The following PTPRD variants were observed in gnomAD, a reference collection of about 807,000 sequenced individuals.
PTPRD encodes the protein protein tyrosine phosphatase receptor type D, also known as receptor-type tyrosine-protein phosphatase delta.
In PTPRD, 34 loss-of-function variants were observed where a neutral mutation model predicts 214.5. The observed-to-expected ratio is 0.16, with a 90% CI of 0.12 to 0.21. The LOEUF (loss-of-function observed/expected upper bound fraction) is 0.21. PTPRD is among the 10% of genes least tolerant of loss of function. The pLI is 1.00. For synonymous variants in PTPRD, 1,128 were observed against 845.7 expected, an observed-to-expected ratio of 1.33 and a Z score of -5.79; for missense variants, 2,545 against 2,398.7, an observed-to-expected ratio of 1.06 and a Z score of -1.27.
At chr9:8,434,730 G>T (rs908610020) in intron 35 of PTPRD, among the ~76,000 whole-genome samples, 1 of 152,160 alleles carries the variant, frequency 6.6e-6, no homozygotes, top group East Asian at 1.9e-4. Flanking sequence ...AGTGATGAAA[G>T]ATTTCTGGTT....
At chr9:9,469,607 G>A (rs891951122) in intron 8 of PTPRD, among the ~76,000 whole-genome samples, 2 of 152,126 alleles carry the variant, frequency 1.3e-5, no homozygotes, top group Middle Eastern at 3.2e-3. Flanking sequence ...ATTGAGTGCT[G>A]GCAACTAATT....
intron 39 of PTPRD, among the ~76,000 whole-genome samples, chr9:8,350,649 G>C (rs1475633076): frequency 6.6e-6 from 1 of 151,970 alleles, no homozygotes; most frequent in African/African-American, 2.4e-5. Context: ...GATATTTGGG[G>C]TTCACTACAA....
chr9:8,373,846 A>G (rs10815841), intron 39 of PTPRD, among the ~76,000 whole-genome samples: 16,405 of 109,746 alleles, frequency 0.15, 1,411 homozygotes, highest in East Asian at 0.33. Flanking sequence ...GTATGTATGT[A>G]TGTGTATGTG....
intron 14 of PTPRD, among the ~76,000 whole-genome samples, chr9:8,533,019 T>G (rs1470526040): frequency 6.6e-6 from 1 of 152,074 alleles, no homozygotes; most frequent in Non-Finnish European, 1.5e-5. Flanking sequence ...GAAAATAGTC[T>G]GACACTGTTT....
At chr9:9,738,544 A>T (rs2098342317) in intron 6 of PTPRD, among the ~76,000 whole-genome samples, 1 of 142,996 alleles carries the variant, frequency 7.0e-6, no homozygotes, top group Non-Finnish European at 1.5e-5. Flanking sequence ...CCTGGGTTCA[A>T]GTGATTCTCC....
chr9:10,026,594 G>T (rs900447286), intron 4 of PTPRD, among the ~76,000 whole-genome samples: 4 of 152,130 alleles, frequency 2.6e-5, no homozygotes, highest in African/African-American at 9.7e-5. Context: ...AGCAGTCACA[G>T]TACAGTTACA....
rs149461268 is a variant in PTPRD, at chr9:8,815,693, T to C, written c.-103-81747A>G. 2.3e-3 allele frequency among the ~76,000 whole-genome samples: 345 copies of C among 152,266 alleles called. 2 individuals are homozygous for C. The highest frequency in any genetic ancestry group is 3.0e-3 in the Non-Finnish European group (207 of 68,016). On this transcript the variant is annotated intron_variant, in intron 11 of 45. Transcript: ENST00000381196. The stretch of plus-strand genomic sequence containing the variant: ...CTCATCTCCTGCATAAAATTATTCC[T>C]AGGCAACTTTTAAGTCACTGTATAA...
At chr9:10,375,978 A>T (rs1257058787) in intron 2 of PTPRD, among the ~76,000 whole-genome samples, 1 of 151,934 alleles carries the variant, frequency 6.6e-6, no homozygotes, top group African/African-American at 2.4e-5. Flanking sequence ...TCATTAACAT[A>T]GTATCTTTGC....
At chr9:8,691,508 C>A (rs1026532267) in intron 12 of PTPRD, among the ~76,000 whole-genome samples, 1 of 151,850 alleles carries the variant, frequency 6.6e-6, no homozygotes, top group South Asian at 2.1e-4. Context: ...ATGAACAAAC[C>A]TCTCCTGGTT....
chr9:8,955,398 C>T (rs1373127643), intron 11 of PTPRD, among the ~76,000 whole-genome samples: 1 of 151,684 alleles, frequency 6.6e-6, no homozygotes, highest in Non-Finnish European at 1.5e-5. Flanking sequence ...AGACTATAAG[C>T]TCGTAGACTC....
At chr9:9,365,335 A>G (rs2057575312) in intron 9 of PTPRD, among the ~76,000 whole-genome samples, 1 of 151,574 alleles carries the variant, frequency 6.6e-6, no homozygotes, top group Non-Finnish European at 1.5e-5. Context: ...AATCTTTCAC[A>G]TATAGTTGGT....
intron 4 of PTPRD, among the ~76,000 whole-genome samples, chr9:9,986,030 A>T (rs2095698775): frequency 1.3e-5 from 2 of 152,160 alleles, no homozygotes; most frequent in Non-Finnish European, 2.9e-5. Context: ...GCACCCAGGA[A>T]TTTTGTAATT....
At chr9:9,773,384 G>T (rs528635413) in intron 5 of PTPRD, among the ~76,000 whole-genome samples, 7 of 152,234 alleles carry the variant, frequency 4.6e-5, no homozygotes, top group South Asian at 2.1e-4. Flanking sequence ...TGTGGTAACT[G>T]CTTCACTCTT....
chr9:8,714,476 G>A (rs1450969688), intron 12 of PTPRD, among the ~76,000 whole-genome samples: 3 of 152,034 alleles, frequency 2.0e-5, no homozygotes, highest in Non-Finnish European at 2.9e-5. Context: ...GTTGCTTCCA[G>A]GAAGCCTGAC....
At chr9:9,432,812 C>T (rs141439186) in intron 8 of PTPRD, among the ~76,000 whole-genome samples, 2,134 of 152,224 alleles carry the variant, frequency 0.014, 30 homozygotes, top group Non-Finnish European at 0.022. Context: ...AATTTGATTT[C>T]TTATATTTCC....
intron 11 of PTPRD, among the ~76,000 whole-genome samples, chr9:8,770,011 T>C (rs1447928458): frequency 6.6e-6 from 1 of 152,194 alleles, no homozygotes; most frequent in Non-Finnish European, 1.5e-5. Context: ...TCAGGCACGG[T>C]GGCTCATGCC....
intron 2 of PTPRD, among the ~76,000 whole-genome samples, chr9:10,453,965 C>T (rs1226866284): frequency 6.6e-6 from 1 of 151,510 alleles, no homozygotes; most frequent in African/African-American, 2.4e-5. Context: ...GTTGAGGTTA[C>T]CCCAAACAAT....
chr9:9,590,884 T>C (rs1046403072), intron 7 of PTPRD, among the ~76,000 whole-genome samples: 5 of 152,188 alleles, frequency 3.3e-5, no homozygotes, highest in Middle Eastern at 6.8e-3. Flanking sequence ...TCACAGAAAG[T>C]CATTTGCTTT....
At chr9:8,920,572 T>C (rs1006729242) in intron 11 of PTPRD, among the ~76,000 whole-genome samples, 2 of 152,132 alleles carry the variant, frequency 1.3e-5, no homozygotes, top group African/African-American at 4.8e-5. Context: ...ACACTAATGA[T>C]AGCTGATGAG....
Sources: allele counts gnomAD v4.1 joint callset (sites outside exome capture counted in the v4.1 genomes callset), GRCh38; gene constraint gnomAD v4.1.1; transcripts MANE v1.5; gene names NCBI Gene and HGNC (gene_info 2026-07-23, HGNC 2026-07-21).